The following GLMP variants were observed in gnomAD, a reference collection of about 807,000 sequenced individuals.
GLMP encodes the protein kidney lysosomal membrane protein.
In GLMP, 36 loss-of-function variants were observed where a neutral mutation model predicts 39.2. That is an observed-to-expected ratio of 0.92 (90% confidence interval 0.70 to 1.21). The LOEUF (loss-of-function observed/expected upper bound fraction) is 1.21. GLMP is among the 50% of genes most tolerant of loss of function. The pLI, the probability that GLMP is intolerant of heterozygous loss-of-function variation, is 0.00. For missense variants in GLMP, 454 were observed against 505.6 expected, an observed-to-expected ratio of 0.90 and a Z score of 0.98; for synonymous variants, 220 against 218.9, an observed-to-expected ratio of 1.01 and a Z score of -0.04.
At position 156,294,496 on chromosome 1, in the gene GLMP, A is replaced by G; in HGVS notation, c.448T>C (p.Tyr150His). The change falls in exon 3 of 6, where the codon TAC (tyrosine) becomes CAC (histidine). Residue 150 changes from tyrosine (Y) to histidine (H), a missense_variant. Physicochemically the swap from Tyr to His is moderately conservative, Grantham distance 83. Transcript: ENST00000362007. ...AKPLGRPYPP[Y>H]SLADFSWNNI... ...TTCCAAGAGAAATCGGCCAAGGAGT[A>G]TGGAGGATATGGTCTTCCCAAAGGC... 6.2e-7 allele frequency: 1 copy of G among 1,614,106 alleles called. No individual in the cohort carries two copies. Among genetic ancestry groups the G allele is most frequent in the Non-Finnish European group, 8.5e-7 (1 of 1,180,026 alleles).
In GLMP at chr1:156,294,407, G is replaced by T. The variant is rs771364866; in HGVS notation, c.537C>A (p.Asn179Lys). Residue 179 changes from asparagine to lysine, a missense_variant, in exon 3 of 6, where the codon AAC (asparagine) becomes AAA (lysine). Coordinates refer to ENST00000362007, the MANE Select transcript of GLMP (RefSeq NM_144580.3). ...LSATFQGHPM[N>K]DPTRTFANGS... ...CATTGGCAAAAGTCCTGGTAGGGTC[G>T]TTCATGGGGTGGCCTTGAAATGTGG... 1.2e-5 allele frequency: 19 copies of T among 1,614,068 alleles called. No homozygotes were observed. The highest frequency in any genetic ancestry group is 1.5e-5 in the Non-Finnish European group (18 of 1,180,042).
chr1:156,294,931 TGCA>T lies in GLMP; in HGVS notation c.203_205del (p.Leu68del), dbSNP rs1558256788. On this transcript the variant is annotated inframe_deletion, in exon 2 of 6. Transcript: ENST00000362007. ...AGGCCCCAGGCTGCTCCACACATAG[TGCA>T]GTGTGGAATTGGTGCCCACTGCCCG... The T allele has an allele frequency of 1.2e-6, 2 of 1,609,320 alleles. No homozygotes were observed. Among genetic ancestry groups the T allele is most frequent in the Non-Finnish European group, 1.7e-6 (2 of 1,176,778 alleles).
At position 156,295,622 on chromosome 1, in the gene GLMP, G is replaced by C. The variant is rs1434626094; in HGVS notation, c.24C>G (p.Thr8=). The part of the protein sequence containing the change: MRGSVEC[T]WGWGHCAPSP... ...TGGGGGCACAGTGCCCCCAACCCCA[G>C]GTGCACTCCACAGAGCCGCGCATAC... The change falls in exon 1 of 6, where the codon ACC becomes ACG. Residue 8 remains threonine (T), a synonymous_variant. Coordinates refer to ENST00000362007, the MANE Select transcript of GLMP (RefSeq NM_144580.3). The C allele has an allele frequency of 5.8e-6, 9 of 1,554,062 alleles. No homozygotes were observed. The highest frequency in any genetic ancestry group is 7.8e-6 in the Non-Finnish European group (9 of 1,148,496).
chr1:156,295,215 A>C, intron 1 of GLMP, 199 bp from the exon 2 acceptor site: 1 of 1,099,330 alleles, frequency 9.1e-7, no homozygotes, highest in Non-Finnish European at 1.2e-6. Flanking sequence ...GGGGTAGGGT[A>C]GAGGGTACAG....
In GLMP at chr1:156,294,028, G is replaced by A. The variant is rs1553298528; in HGVS notation, c.788C>T (p.Ala263Val). ...TCCAGGAAGCCTGACCTGGAAGACG[G>A]CCGGTGCATATTCATCGTCGATGGA... ...QHSIDDEYAP[A>V]VFQLDQLLWG... The change falls in exon 4 of 6, where the codon GCC (alanine) becomes GTC (valine). Residue 263 changes from alanine (A) to valine (V), a missense_variant. Ala to Val is a moderately conservative substitution (Grantham distance 64). Transcript: ENST00000362007. 1 of 1,613,216 alleles carries A rather than the reference G, an allele frequency of 6.2e-7. No individual in the cohort carries two copies. Among genetic ancestry groups the A allele is most frequent in the East Asian group, 2.2e-5 (1 of 44,884 alleles).
At position 156,293,484 on chromosome 1, in the gene GLMP, G is replaced by T. The variant is rs763306113; in HGVS notation, c.891C>A (p.Ala297=). 2 of 1,614,194 alleles carry T rather than the reference G, an allele frequency of 1.2e-6. No individual in the cohort carries two copies. Among genetic ancestry groups the T allele is most frequent in the South Asian group, 1.1e-5 (1 of 91,080 alleles). Residue 297 remains alanine (A), a synonymous_variant, in exon 5 of 6, where the codon GCC becomes GCA. Coordinates refer to ENST00000362007, the MANE Select transcript of GLMP (RefSeq NM_144580.3). The part of the protein sequence containing the change: ...YSQKPGGRES[A]LPCQASPLHP... ...GAAGAGGGGAAGCTTGGCAGGGCAGGGCTGATTCTCGGCCCCCCGGCTTCT... is the reference window on the plus strand; with the variant it reads ...GAAGAGGGGAAGCTTGGCAGGGCAGTGCTGATTCTCGGCCCCCCGGCTTCT...
chr1:156,294,041 C>G lies in GLMP; in HGVS notation c.775G>C (p.Glu259Gln). The G allele has an allele frequency of 6.2e-7, 1 of 1,613,722 alleles. No homozygotes were observed. Among genetic ancestry groups the G allele is most frequent in the Non-Finnish European group, 8.5e-7 (1 of 1,180,012 alleles). ...ACCTGGAAGACGGCCGGTGCATATT[C>G]ATCGTCGATGGAGTGCTGCTCCTGC... ...SMQEQHSIDD[E>Q]YAPAVFQLDQ... The change falls in exon 4 of 6, where the codon GAA becomes CAA. Residue 259 changes from glutamate (E) to glutamine (Q), a missense_variant. Transcript: ENST00000362007.
intron 5 of GLMP, 32 bp from the exon 6 acceptor site, chr1:156,293,241 G>T: frequency 6.2e-7 from 1 of 1,610,782 alleles, no homozygotes; most frequent in Non-Finnish European, 8.5e-7. Context: ...AGGTAAGCGG[G>T]CTTAGGAGGA....
rs200786150 is a variant in GLMP at position 156,294,876 on chromosome 1, G to A, written c.261C>T (p.Thr87=). 3.3e-4 allele frequency: 535 copies of A among 1,612,538 alleles called. No homozygotes were observed. The highest frequency in any genetic ancestry group is 4.1e-4 in the Non-Finnish European group (486 of 1,179,294). ...AGTTGACGCTCAGGGTGCTGTGGGG[G>A]GTGTTGGTGGCCACCATTACCACTG... ...PLAVVMVATN[T]PHSTLSVNWS... is the part of the protein sequence containing the mutation. The change falls in exon 2 of 6, where the codon ACC becomes ACT. Residue 87 remains threonine, a synonymous_variant. Coordinates refer to ENST00000362007, the MANE Select transcript of GLMP (RefSeq NM_144580.3).
intron 1 of GLMP, 22 bp downstream of exon 1, chr1:156,295,504 G>T: frequency 6.8e-7 from 1 of 1,474,890 alleles, no homozygotes; most frequent in African/African-American, 1.4e-5. Context: ...AACTTCTATC[G>T]CTGTAGCCCC....
rs149357476 is a variant in GLMP, at chr1:156,294,484, C to T, written c.460G>A (p.Asp154Asn). 8.8e-5 allele frequency: 142 copies of T among 1,613,972 alleles called. No homozygotes were observed. Among genetic ancestry groups the T allele is most frequent in the Non-Finnish European group, 1.1e-4 (129 of 1,180,022 alleles). ...GRPYPPYSLADFSWNNITDSL... is the reference protein window; with the variant it reads ...GRPYPPYSLANFSWNNITDSL... The stretch of plus-strand genomic sequence containing the variant: ...TCAGTGATGTTGTTCCAAGAGAAAT[C>T]GGCCAAGGAGTATGGAGGATATGGT... Residue 154 changes from aspartate to asparagine, a missense_variant, in exon 3 of 6, where the codon GAT (aspartate) becomes AAT (asparagine). Transcript: ENST00000362007.
intron 1 of GLMP, 77 bp from the exon 2 acceptor site, chr1:156,295,093 G>C (rs990879825): frequency 1.2e-5 from 15 of 1,237,898 alleles, no homozygotes; most frequent in Admixed American, 2.6e-5. Flanking sequence ...TTGAGGGGAG[G>C]GGGGCTTGGA....
intron 4 of GLMP, 169 bp from the exon 5 acceptor site, chr1:156,293,745 G>A (rs1370944018): frequency 6.5e-7 from 1 of 1,543,796 alleles, no homozygotes; most frequent in Non-Finnish European, 8.8e-7. Flanking sequence ...GGTGAGGACT[G>A]AGTTGTTTTC....
Position 156,293,162 on chromosome 1 carries a change from G to A in GLMP, c.1103C>T (p.Pro368Leu), listed in dbSNP as rs1467936744. ...CACTGCCATGATGCCCAGGACTAGT[G>A]GGGACAAGCCGTCCACTGGAGGGAA... ...VGFPPVDGLS[P>L]LVLGIMAVAL... Residue 368 changes from proline (P) to leucine (L), a missense_variant, in exon 6 of 6, where the codon CCA (proline) becomes CTA (leucine). Pro to Leu is a moderately conservative substitution (Grantham distance 98). Transcript: ENST00000362007. 2.5e-6 allele frequency: 4 copies of A among 1,613,892 alleles called. No individual in the cohort carries two copies. In the African/African-American group the frequency reaches 5.3e-5, roughly 22 times the overall value.
chr1:156,294,121 G>C lies in GLMP; in HGVS notation c.695C>G (p.Ser232Cys). The C allele has an allele frequency of 6.2e-7, 1 of 1,614,196 alleles. No individual in the cohort carries two copies. Among genetic ancestry groups the C allele is most frequent in the East Asian group, 2.2e-5 (1 of 44,880 alleles). ...LIGASPRGNRSLFGLEVATLG... is the reference protein window; with the variant it reads ...LIGASPRGNRCLFGLEVATLG... ...TGTGGCTACCTCCAGCCCAAACAGG[G>C]AACGGTTTCCCCGGGGAGAGGCTCC... is the stretch of plus-strand genomic sequence containing the variant. Residue 232 changes from serine (S) to cysteine (C), a missense_variant, in exon 4 of 6, where the codon TCC becomes TGC. Ser to Cys is a moderately radical substitution (Grantham distance 112). Transcript: ENST00000362007.
In GLMP at chr1:156,295,543, C is replaced by G. The variant is rs1437462877; in HGVS notation, c.103G>C (p.Gly35Arg). The G allele has an allele frequency of 1.6e-5, 24 of 1,529,894 alleles. No individual in the cohort carries two copies. The highest frequency in any genetic ancestry group is 1.9e-5 in the Non-Finnish European group (22 of 1,142,594). The allele number at this position is 1,529,894 out of a possible 1,614,324, so 94.8% of individuals were successfully genotyped here. The change falls in exon 1 of 6, where the codon GGG becomes CGG. Residue 35 changes from glycine (G) to arginine (R), a missense_variant. Gly to Arg is a moderately radical substitution (Grantham distance 125). Transcript: ENST00000362007. ...LLFAAPFGLL[G>R]EKTRQVSLEV... ...GCCCTCACCTGGCGGGTCTTCTCCCCCAGCAGGCCAAATGGGGCTGCAAAC... is the reference window on the plus strand; with the variant it reads ...GCCCTCACCTGGCGGGTCTTCTCCCGCAGCAGGCCAAATGGGGCTGCAAAC...
chr1:156,295,093 G>A, intron 1 of GLMP, 77 bp from the exon 2 acceptor site: 10 of 1,237,898 alleles, frequency 8.1e-6, no homozygotes, highest in Non-Finnish European at 1.1e-5. Context: ...TTGAGGGGAG[G>A]GGGGCTTGGA....
chr1:156,292,967 C>A lies in GLMP; in HGVS notation c.*77G>T. On this transcript the variant is annotated 3_prime_UTR_variant, in exon 6 of 6. Transcript: ENST00000362007. ...GGGGGAGTGAAGGGGCCGGCTGGAA[C>A]TTGATGCTCCAACCTCCAGAGTTTC... 4 of 1,533,682 alleles carry A rather than the reference C, an allele frequency of 2.6e-6. No individual in the cohort carries two copies. The highest frequency in any genetic ancestry group is 3.5e-6 in the Non-Finnish European group (4 of 1,133,642).
chr1:156,293,600 A>T (rs372434276), intron 4 of GLMP, 24 bp from the exon 5 acceptor site: 5 of 1,613,712 alleles, frequency 3.1e-6, no homozygotes, highest in Non-Finnish European at 4.2e-6. Flanking sequence ...CAAACAAGGG[A>T]GGGTAAAGAG....
Sources: allele counts gnomAD v4.1 joint callset, GRCh38; gene constraint gnomAD v4.1.1; transcripts MANE v1.5; gene names NCBI Gene and HGNC (gene_info 2026-07-23, HGNC 2026-07-21).